Variants in CPLANE1 observed in about 807,000 individuals in gnomAD.
CPLANE1 encodes the protein ciliogenesis and planar polarity effector 1.
CPLANE1 carries 263 observed loss-of-function variants against 362.5 expected under a neutral mutation model. The observed-to-expected ratio is 0.73, with a 90% CI of 0.66 to 0.80. CPLANE1 has a LOEUF of 0.80. CPLANE1 is among the 30% of genes least tolerant of loss of function. The pLI, the probability that CPLANE1 is intolerant of heterozygous loss-of-function variation, is 0.00. For missense variants in CPLANE1, 3,461 were observed against 3,793.4 expected, an observed-to-expected ratio of 0.91 and a Z score of 2.30; for synonymous variants, 1,212 against 1,302.6, an observed-to-expected ratio of 0.93 and a Z score of 1.50.
rs144617109 is a variant in CPLANE1 at position 37,209,702 on chromosome 5, A to G, written c.2921-3277T>C. 241 of 1,251,124 alleles carry G rather than the reference A, an allele frequency of 1.9e-4. No individual in the cohort carries two copies. In the African/African-American group the frequency reaches 3.4e-3, roughly 18 times the overall value. 77.5% of individuals were successfully genotyped at this position (1,251,124 alleles called of 1,614,324 possible). On this transcript the variant is annotated intron_variant, in intron 16 of 52. Transcript: ENST00000651892. The surrounding 1 kb of genome is among the most constrained non-coding windows in gnomAD (Gnocchi z 4.6). Reference sequence around the variant, plus strand: ...TATTTACTATGCAGGATCTATTACAACTCATTAAAATCAACCCTACTTCCA... The same window carrying G: ...TATTTACTATGCAGGATCTATTACAGCTCATTAAAATCAACCCTACTTCCA...
At chr5:37,104,401 C>T (rs573738017), downstream of CPLANE1, among the ~76,000 whole-genome samples, 70 of 151,674 alleles carry the variant, frequency 4.6e-4, no homozygotes, top group South Asian at 1.0e-3. Flanking sequence ...AGTTAAGAGA[C>T]CAGCCTGGCC....
intron 21 of CPLANE1, among the ~76,000 whole-genome samples, chr5:37,190,520 G>A (rs1180476649): frequency 3.3e-5 from 5 of 152,098 alleles, no homozygotes; most frequent in South Asian, 2.1e-4. Flanking sequence ...CAAGGCTGCA[G>A]TGAGCTACGA....
chr5:37,096,942 C>T, the CPLANE1 span, among the ~76,000 whole-genome samples: 3 of 152,108 alleles, frequency 2.0e-5, no homozygotes, highest in African/African-American at 7.2e-5. Context: ...ACAGGGAACA[C>T]TTCTACACTG....
chr5:37,081,166 C>T, the CPLANE1 span, among the ~76,000 whole-genome samples: 1 of 151,984 alleles, frequency 6.6e-6, no homozygotes, highest in African/African-American at 2.4e-5. Flanking sequence ...AATAAATAAC[C>T]ACTAGACATG....
rs759556534 is a variant in CPLANE1 at position 37,148,185 on chromosome 5, T to C, written c.8457A>G (p.Glu2819=). The change falls in exon 43 of 53, where the codon GAA becomes GAG. Residue 2819 remains glutamate, a synonymous_variant. Transcript: ENST00000651892. ...CCCCTATCAGCCCCTACAAACCTTC[T>C]TCAGAAATGCTAATGGTTTTTGAAG... ...TLASKTISIS[E]EVRFLTHMDE... 6.2e-7 allele frequency: 1 copy of C among 1,612,126 alleles called. No individual in the cohort carries two copies. The highest frequency in any genetic ancestry group is 2.2e-5 in the East Asian group (1 of 44,840).
At chr5:37,142,901 G>A (rs903201678) in intron 43 of CPLANE1, among the ~76,000 whole-genome samples, 2 of 152,084 alleles carry the variant, frequency 1.3e-5, no homozygotes, top group African/African-American at 4.8e-5. Context: ...CTGCAATGAG[G>A]GAAAAACTGA....
the CPLANE1 span, among the ~76,000 whole-genome samples, chr5:37,082,717 C>T: frequency 6.8e-6 from 1 of 147,644 alleles, no homozygotes; most frequent in African/African-American, 2.5e-5. Context: ...TAATGACACA[C>T]AGACTGAAAG....
chr5:37,172,009 G>A (rs916833775), intron 32 of CPLANE1, among the ~76,000 whole-genome samples: 1 of 151,948 alleles, frequency 6.6e-6, no homozygotes. Context: ...ATGAGGTCTT[G>A]CTATGTTGTC....
At chr5:37,184,745 T>G in intron 25 of CPLANE1, 43 bp downstream of exon 25, 5 of 1,547,688 alleles carry the variant, frequency 3.2e-6, no homozygotes, top group Non-Finnish European at 4.4e-6. Flanking sequence ...AAGCTACTTT[T>G]CAAAGGAAGT....
intron 29 of CPLANE1, 77 bp from the exon 30 acceptor site, chr5:37,177,777 A>G (rs1056999327): frequency 1.8e-6 from 2 of 1,109,430 alleles, no homozygotes; most frequent in South Asian, 1.4e-5. Flanking sequence ...TTTGAGTCTC[A>G]TATTAGCCAC....
At chr5:37,123,486 G>A (rs932458555) in intron 47 of CPLANE1, among the ~76,000 whole-genome samples, 1 of 152,164 alleles carries the variant, frequency 6.6e-6, no homozygotes, top group Non-Finnish European at 1.5e-5. Flanking sequence ...CAAAAAAAGT[G>A]TTTGCAATCT....
intron 34 of CPLANE1, among the ~76,000 whole-genome samples, chr5:37,167,788 C>CA (rs70976281): frequency 4.4e-4 from 67 of 151,288 alleles, no homozygotes; most frequent in South Asian, 1.5e-3. Flanking sequence ...TACATAAAAA[C>CA]AAAAAAAACC....
Position 37,169,441 on chromosome 5 carries a change from T to C in CPLANE1, c.6583A>G (p.Thr2195Ala), listed in dbSNP as rs374876051. The C allele has an allele frequency of 1.7e-5, 27 of 1,614,024 alleles. No individual in the cohort carries two copies. The African/African-American group carries it at 3.5e-4, about 21-fold the overall frequency. The change falls in exon 34 of 53, where the codon ACT becomes GCT. Residue 2195 changes from threonine to alanine, a missense_variant. By Grantham distance (58) the Thr-to-Ala change is moderately conservative. Around this residue, in one of 2 missense-constraint regions of CPLANE1, gnomAD observed 3,380 missense variants for 3,666.1 expected, o/e 0.92. Coordinates refer to ENST00000651892, the MANE Select transcript of CPLANE1 (RefSeq NM_001384732.1). Reference protein sequence around the residue: ...TSFYPAPAGNTHLYLLSTPSV... With the variant: ...TSFYPAPAGNAHLYLLSTPSV... ...GGTGTGGACAAAAGGTAGAGGTGAG[T>C]ATTTCCAGCAGGAGCTGGATAAAAC...
chr5:37,187,704 A>G (rs747939439), intron 22 of CPLANE1, 29 bp downstream of exon 22: 16 of 1,589,838 alleles, frequency 1.0e-5, no homozygotes, highest in Non-Finnish European at 1.4e-5. Context: ...ACGTGTGTTC[A>G]TTTTTCTTAT....
At chr5:37,137,668 C>T (rs1048234305) in intron 46 of CPLANE1, among the ~76,000 whole-genome samples, 1 of 152,210 alleles carries the variant, frequency 6.6e-6, no homozygotes, top group African/African-American at 2.4e-5. Flanking sequence ...GGGAAGCAAA[C>T]ATGTCCTTCT....
chr5:37,185,476 A>C (rs771163290), intron 24 of CPLANE1, among the ~76,000 whole-genome samples: 75 of 152,176 alleles, frequency 4.9e-4, no homozygotes, highest in Admixed American at 1.6e-3. Flanking sequence ...AGCCAAAAAA[A>C]TCAAGGACAT....
At chr5:37,241,855 C>T (rs1036120846) in intron 6 of CPLANE1, among the ~76,000 whole-genome samples, 1 of 152,004 alleles carries the variant, frequency 6.6e-6, no homozygotes, top group Admixed American at 6.6e-5. Context: ...GTCTTGAACT[C>T]CTGGGCTCAA....
intron 51 of CPLANE1, 31 bp from the exon 52 acceptor site, chr5:37,108,502 G>A (rs765473620): frequency 1.3e-6 from 2 of 1,559,576 alleles, no homozygotes; most frequent in Non-Finnish European, 8.7e-7. Flanking sequence ...AGCACACATT[G>A]GGATTGATTC....
At chr5:37,086,293 T>C in the CPLANE1 span, among the ~76,000 whole-genome samples, 1 of 152,188 alleles carries the variant, frequency 6.6e-6, no homozygotes, top group African/African-American at 2.4e-5. Flanking sequence ...GACCATATGA[T>C]TGATAGGCCA....
Sources: gnomAD v4.1 joint callset for allele counts (sites outside exome capture counted in the v4.1 genomes callset) on GRCh38, gnomAD v4.1.1 for gene constraint, gnomAD v4.1.1 regional missense constraint, Gnocchi (gnomAD v3.1) non-coding constraint, MANE v1.5 for transcripts, NCBI Gene and HGNC (gene_info 2026-07-23, HGNC 2026-07-21) for gene names.